The following CCDC192 variants were observed in gnomAD, a reference collection of about 807,000 sequenced individuals.
CCDC192 encodes the protein coiled-coil domain-containing protein 192.
chr5:127,899,313 G>T (rs982173423), intron 6 of CCDC192, among the ~76,000 whole-genome samples: 1 of 152,140 alleles, frequency 6.6e-6, no homozygotes, highest in Non-Finnish European at 1.5e-5. Context: ...CAGTGGAAAG[G>T]TTAAGGGACC....
intron 3 of CCDC192, chr5:127,784,892 T>C: frequency 2.2e-6 from 1 of 451,502 alleles, no homozygotes; most frequent in Non-Finnish European, 4.4e-6. Context: ...GGCACATTGA[T>C]GTTAACCCTT....
chr5:127,740,198 G>A (rs1348140214), intron 2 of CCDC192: 2 of 152,316 alleles, frequency 1.3e-5, no homozygotes, highest in South Asian at 2.1e-4. Flanking sequence ...TTTACAGATG[G>A]GAAAACTGAG....
At chr5:127,854,209 A>T (rs1016864184) in intron 5 of CCDC192, among the ~76,000 whole-genome samples, 2 of 152,180 alleles carry the variant, frequency 1.3e-5, no homozygotes, top group Non-Finnish European at 2.9e-5. Flanking sequence ...TGAGTTCCTC[A>T]TAGCTCAATC....
intron 2 of CCDC192, among the ~76,000 whole-genome samples, chr5:127,748,013 T>C (rs1318577699): frequency 3.4e-5 from 5 of 147,534 alleles, no homozygotes; most frequent in Non-Finnish European, 7.5e-5. Flanking sequence ...ATTAGCCCTT[T>C]GTCAGATGAG....
chr5:127,793,054 G>A (rs1403432304), intron 3 of CCDC192, among the ~76,000 whole-genome samples: 1 of 152,048 alleles, frequency 6.6e-6, no homozygotes, highest in Non-Finnish European at 1.5e-5. Context: ...CACTACCTGG[G>A]TGATGGAACC....
intron 2 of CCDC192, among the ~76,000 whole-genome samples, chr5:127,750,645 C>G (rs1264659779): frequency 7.0e-6 from 1 of 143,672 alleles, no homozygotes; most frequent in East Asian, 2.1e-4. Flanking sequence ...TGGTGCAGAG[C>G]TGAGTTCAAT....
At chr5:127,807,829 A>G (rs1348203646) in intron 5 of CCDC192, among the ~76,000 whole-genome samples, 1 of 152,064 alleles carries the variant, frequency 6.6e-6, no homozygotes, top group Non-Finnish European at 1.5e-5. Context: ...TTATTTTCAG[A>G]TATGTAACTT....
chr5:127,797,947 A>G (rs1432640), intron 4 of CCDC192, among the ~76,000 whole-genome samples, 159 bp from the exon 5 acceptor site: 48,215 of 151,430 alleles, frequency 0.32, 8,476 homozygotes, highest in Non-Finnish European at 0.4. Flanking sequence ...AGAAATAGGA[A>G]TGGGGGGATG....
intron 2 of CCDC192, among the ~76,000 whole-genome samples, chr5:127,711,926 T>C (rs1266410670): frequency 6.6e-6 from 1 of 152,100 alleles, no homozygotes; most frequent in Non-Finnish European, 1.5e-5. Context: ...ATTTAAAGTA[T>C]ACAAGTTGAT....
chr5:127,798,946 TC>T (rs1428791069), intron 5 of CCDC192, among the ~76,000 whole-genome samples: 4 of 152,148 alleles, frequency 2.6e-5, no homozygotes, highest in African/African-American at 9.7e-5. Context: ...ACCCTGTGTG[TC>T]CATGACCATA....
chr5:127,781,987 T>C (rs1037340347), intron 3 of CCDC192, among the ~76,000 whole-genome samples: 8 of 152,206 alleles, frequency 5.3e-5, no homozygotes. Context: ...CATCTTTTAT[T>C]ACATTGAGGT....
intron 3 of CCDC192, among the ~76,000 whole-genome samples, chr5:127,771,894 C>G (rs1012899466): frequency 1.3e-5 from 2 of 152,134 alleles, no homozygotes; most frequent in Non-Finnish European, 2.9e-5. Context: ...AGGGATTCTC[C>G]ACGAGGCCAG....
intron 3 of CCDC192, among the ~76,000 whole-genome samples, chr5:127,788,943 A>G (rs1756716683): frequency 1.3e-5 from 2 of 152,206 alleles, no homozygotes; most frequent in Admixed American, 1.3e-4. Flanking sequence ...TTGCCCTTAT[A>G]AGAAGAGAAG....
chr5:127,889,561 C>A (rs778992671), intron 6 of CCDC192, among the ~76,000 whole-genome samples: 30 of 152,264 alleles, frequency 2.0e-4, no homozygotes, highest in Non-Finnish European at 3.5e-4. Flanking sequence ...GCCACCACGC[C>A]CTGCTAATTT....
intron 2 of CCDC192, among the ~76,000 whole-genome samples, chr5:127,718,459 C>A (rs1224348595): frequency 6.6e-6 from 1 of 151,044 alleles, no homozygotes; most frequent in Non-Finnish European, 1.5e-5. Context: ...TTCCTAACAA[C>A]TGGCATAATT....
At chr5:127,940,988 C>CT in intron 6 of CCDC192, 194 bp from the exon 7 acceptor site, 1 of 386,596 alleles carries the variant, frequency 2.6e-6, no homozygotes. Context: ...TGTTTTGTTT[C>CT]TTTTTTCATG....
chr5:127,748,030 G>T (rs1257612461), intron 2 of CCDC192, among the ~76,000 whole-genome samples: 1 of 144,690 alleles, frequency 6.9e-6, no homozygotes, highest in African/African-American at 2.5e-5. Context: ...TGAGTAGGTT[G>T]CAAAAATTTT....
intron 2 of CCDC192, among the ~76,000 whole-genome samples, chr5:127,720,539 G>T (rs1332098033): frequency 6.6e-6 from 1 of 152,206 alleles, no homozygotes; most frequent in African/African-American, 2.4e-5. Flanking sequence ...CCATGCTGGG[G>T]TCTGGAGGAT....
At chr5:127,831,723 A>C (rs1749806188) in intron 5 of CCDC192, among the ~76,000 whole-genome samples, 1 of 152,182 alleles carries the variant, frequency 6.6e-6, no homozygotes, top group South Asian at 2.1e-4. Flanking sequence ...AACATAATTA[A>C]AAATACACTT....
Sources: allele counts gnomAD v4.1 joint callset (sites outside exome capture counted in the v4.1 genomes callset), GRCh38; gene constraint gnomAD v4.1.1; transcripts MANE v1.5; gene names NCBI Gene and HGNC (gene_info 2026-07-23, HGNC 2026-07-21).